Variants in MORC1 observed in about 807,000 individuals in gnomAD.
MORC1 encodes the protein MORC family CW-type zinc finger protein 1.
MORC1 carries 59 observed loss-of-function variants against 134.9 expected under a neutral mutation model. The ratio of observed to expected loss-of-function variants is 0.44; its 90% CI spans 0.35 to 0.54. The LOEUF is 0.54. Among genes scored for constraint, MORC1 ranks in the 20% least tolerant of loss-of-function variants. The probability of loss-of-function intolerance (pLI) is 0.00; values close to 1 mark genes in which losing one functional copy is unlikely to be tolerated. For synonymous variants in MORC1, 395 were observed against 391.7 expected, an observed-to-expected ratio of 1.01 and a Z score of -0.10; for missense variants, 947 against 1,134.5, an observed-to-expected ratio of 0.83 and a Z score of 2.37.
intron 2 of MORC1, among the ~76,000 whole-genome samples, chr3:109,112,849 G>C (rs1951198740): frequency 6.6e-6 from 1 of 152,168 alleles, no homozygotes; most frequent in African/African-American, 2.4e-5. Flanking sequence ...TCAAGGGGCT[G>C]CCAGCTTACA....
chr3:109,044,330 G>A lies in MORC1; in HGVS notation c.1331-8862C>T, dbSNP rs190352292. On this transcript the variant is annotated intron_variant, in intron 14 of 27. Coordinates refer to ENST00000232603, the MANE Select transcript of MORC1 (RefSeq NM_014429.4). ...TCCCAGCACTTTGGGAGGCTGAGGC[G>A]GGCGGATCGCGAGGTCAGGAGATCC... Among the ~76,000 whole-genome samples, 781 of 151,628 alleles carry A rather than the reference G, an allele frequency of 5.2e-3. 18 individuals are homozygous for A. The highest frequency in any genetic ancestry group is 0.018 in the African/African-American group (748 of 41,334).
At chr3:109,035,201 T>C (rs1468509417) in intron 15 of MORC1, 139 bp downstream of exon 15, 2 of 708,994 alleles carry the variant, frequency 2.8e-6, no homozygotes, top group Non-Finnish European at 4.5e-6. Flanking sequence ...TTCACACTTA[T>C]AACTTTCTTC....
chr3:109,099,524 C>A (rs1204720621), intron 5 of MORC1, 58 bp from the exon 6 acceptor site: 17 of 1,289,752 alleles, frequency 1.3e-5, no homozygotes, highest in Non-Finnish European at 1.8e-5. Flanking sequence ...AAGGAAGAAA[C>A]AGGCAGACTG....
intron 27 of MORC1, among the ~76,000 whole-genome samples, chr3:108,961,717 A>G (rs1033327934): frequency 2.0e-5 from 3 of 152,218 alleles, no homozygotes; most frequent in Non-Finnish European, 4.4e-5. Flanking sequence ...GAAGCCCTTA[A>G]CTTGCCTACC....
At chr3:109,074,960 C>T (rs1016398734) in intron 8 of MORC1, among the ~76,000 whole-genome samples, 6 of 152,102 alleles carry the variant, frequency 3.9e-5, no homozygotes, top group African/African-American at 1.2e-4. Flanking sequence ...AGATAACTTG[C>T]CACTAGAATT....
chr3:109,103,700 A>C (rs1460205029), intron 4 of MORC1, 149 bp downstream of exon 4: 1 of 615,110 alleles, frequency 1.6e-6, no homozygotes, highest in East Asian at 2.9e-5. Context: ...TGGGATACTT[A>C]AACCTAAAAA....
intron 14 of MORC1, among the ~76,000 whole-genome samples, chr3:109,052,949 A>G (rs1327305017): frequency 6.6e-6 from 1 of 152,090 alleles, no homozygotes; most frequent in Non-Finnish European, 1.5e-5. Flanking sequence ...TTAAAAAGTG[A>G]GCAAAGAACA....
intron 7 of MORC1, among the ~76,000 whole-genome samples, chr3:109,094,348 T>C (rs1950788355): frequency 1.3e-5 from 2 of 152,186 alleles, no homozygotes; most frequent in African/African-American, 4.8e-5. Flanking sequence ...AATAGCATAG[T>C]AGCTAAGAAC....
At position 109,006,979 on chromosome 3, in the gene MORC1, A is replaced by T. The variant is rs1205079455; in HGVS notation, c.1767+50T>A. ...TGGCCCTTGATAAGGCTTCTCCTTC[A>T]CATGGTTAAAACATGACACAAATTG... On this transcript the variant is annotated intron_variant, in intron 18 of 27. Coordinates refer to ENST00000232603, the MANE Select transcript of MORC1 (RefSeq NM_014429.4). 6 of 1,489,588 alleles carry T rather than the reference A, an allele frequency of 4.0e-6. No homozygotes were observed. In the South Asian group the frequency reaches 7.4e-5, roughly 18 times the overall value. 92.3% of individuals were successfully genotyped at this position (1,489,588 alleles called of 1,614,324 possible).
At chr3:108,998,822 GAC>G (rs1948310969) in intron 21 of MORC1, among the ~76,000 whole-genome samples, 1 of 152,086 alleles carries the variant, frequency 6.6e-6, no homozygotes, top group Admixed American at 6.5e-5. Context: ...GGATCACAGA[GAC>G]ACTAATAAAT....
chr3:109,000,551 T>C lies in MORC1; in HGVS notation c.2187+6A>G. ...AAGGTGTCATTTAGTGTATAGTTTATCTCACCAGGATTATATCTGAATCAC... is the reference window on the plus strand; with the variant it reads ...AAGGTGTCATTTAGTGTATAGTTTACCTCACCAGGATTATATCTGAATCAC... On this transcript the variant is annotated splice_donor_region_variant and intron_variant, in intron 21 of 27. Transcript: ENST00000232603. The C allele has an allele frequency of 6.3e-7, 1 of 1,582,748 alleles. No homozygotes were observed. The highest frequency in any genetic ancestry group is 8.6e-7 in the Non-Finnish European group (1 of 1,160,912).
chr3:108,986,728 A>C, intron 22 of MORC1, 152 bp downstream of exon 22: 2 of 501,410 alleles, frequency 4.0e-6, no homozygotes, highest in African/African-American at 2.0e-5. Context: ...CCCTCTCTCT[A>C]CTCCTCTCAC....
rs1010650339 is a variant in MORC1 at position 108,971,032 on chromosome 3, T to A, written c.2550+298A>T. On this transcript the variant is annotated intron_variant, in intron 25 of 27. Coordinates refer to ENST00000232603, the MANE Select transcript of MORC1 (RefSeq NM_014429.4). ...TGCTCATAAGAAGCAGCTGAGGAGA[T>A]GTATCTAAGGAACAGAAACTCTGTT... 4.6e-5 allele frequency among the ~76,000 whole-genome samples: 7 copies of A among 152,162 alleles called. No individual in the cohort carries two copies. The East Asian group carries it at 1.3e-3, about 29-fold the overall frequency.
At chr3:109,034,135 A>G (rs563840946) in intron 15 of MORC1, among the ~76,000 whole-genome samples, 1 of 152,268 alleles carries the variant, frequency 6.6e-6, no homozygotes, top group East Asian at 1.9e-4. Context: ...CCTAGATTAC[A>G]ACAATAGTCT....
intron 5 of MORC1, 80 bp downstream of exon 5, chr3:109,100,337 G>C (rs1162310178): frequency 9.2e-7 from 1 of 1,084,812 alleles, no homozygotes; most frequent in African/African-American, 1.6e-5. Flanking sequence ...TTACATGCCT[G>C]CATCATTCTG....
At chr3:109,055,267 A>T (rs1304734197) in intron 13 of MORC1, among the ~76,000 whole-genome samples, 1 of 152,154 alleles carries the variant, frequency 6.6e-6, no homozygotes, top group African/African-American at 2.4e-5. Context: ...CTTTCTCCGC[A>T]TTTCATCTAA....
rs565178155 is a variant in MORC1 at position 109,062,045 on chromosome 3, C to T, written c.909G>A (p.Leu303=). ...EEAVKIAESI[L]KEAQIKVNQC... is the part of the protein sequence containing the mutation. ...GGTTTACTTTGATTTGTGCTTCTTT[C>T]AATATGGATTCAGCTGGAAGTAGAA... is the stretch of plus-strand genomic sequence containing the variant. Residue 303 remains leucine (L), a synonymous_variant, in exon 11 of 28, where the codon TTG becomes TTA. Coordinates refer to ENST00000232603, the MANE Select transcript of MORC1 (RefSeq NM_014429.4). 388 of 1,613,966 alleles carry T rather than the reference C, an allele frequency of 2.4e-4. 4 individuals carry two copies. The South Asian group carries it at 3.3e-3, about 14-fold the overall frequency.
chr3:109,098,487 C>T (rs1208472385), intron 6 of MORC1, among the ~76,000 whole-genome samples: 1 of 152,134 alleles, frequency 6.6e-6, no homozygotes, highest in Non-Finnish European at 1.5e-5. Context: ...TCTCACAGTC[C>T]TACACCGTCC....
intron 20 of MORC1, among the ~76,000 whole-genome samples, chr3:109,003,445 T>A (rs1184276672): frequency 6.9e-6 from 1 of 145,822 alleles, no homozygotes; most frequent in Non-Finnish European, 1.5e-5. Context: ...GCATACTGAG[T>A]CCCTGTATTT....
Sources: allele counts gnomAD v4.1 joint callset (sites outside exome capture counted in the v4.1 genomes callset), GRCh38; gene constraint gnomAD v4.1.1; transcripts MANE v1.5; gene names NCBI Gene and HGNC (gene_info 2026-07-23, HGNC 2026-07-21).